The following ZNF16 variants were observed in gnomAD, a reference collection of about 807,000 sequenced individuals.
ZNF16 encodes the protein zinc finger protein KOX9.
Under a neutral mutation model 9.0 loss-of-function variants are expected in ZNF16, and 7 were observed. That is an observed-to-expected ratio of 0.78 (90% CI 0.44 to 1.47). ZNF16 has a LOEUF of 1.47. ZNF16 is among the 40% of genes most tolerant of loss of function. ZNF16 has a pLI of 0.01. For missense variants in ZNF16, 830 were observed against 854.2 expected (o/e 0.97, Z 0.35); for synonymous variants, 312 against 301.5 (o/e 1.03, Z -0.36).
chr8:144,930,634 T>C lies in ZNF16; in HGVS notation c.*104A>G, dbSNP rs1408191752. 4.5e-6 allele frequency: 6 copies of C among 1,327,704 alleles called. No individual in the cohort carries two copies. Among genetic ancestry groups the C allele is most frequent in the Non-Finnish European group, 6.1e-6 (6 of 980,602 alleles). 82.2% of individuals were successfully genotyped at this position (1,327,704 alleles called of 1,614,324 possible). A position where few individuals can be genotyped will look rare whatever the true frequency, so the allele number is the denominator to read the frequency against. The stretch of plus-strand genomic sequence containing the variant: ...TGGCCACTGGATGTAGGCAGTGAGC[T>C]GAGTCCAGGCTTTCGGTCTGGGAAG... On this transcript the variant is annotated 3_prime_UTR_variant, in exon 3 of 3. Coordinates refer to ENST00000394909, the MANE Select transcript of ZNF16 (RefSeq NM_006958.3).
Position 144,932,601 on chromosome 8 carries a change from A to G in ZNF16, c.197-11T>C, listed in dbSNP as rs564964031. On this transcript the variant is annotated splice_polypyrimidine_tract_variant and intron_variant, in intron 2 of 2. Coordinates refer to ENST00000394909, the MANE Select transcript of ZNF16 (RefSeq NM_006958.3). This position sits in a 1 kb window ranked among gnomAD's most constrained non-coding sequence, Gnocchi z 5.0. Reference sequence around the variant, plus strand: ...TCCTGGTGTCACAATCTGAAACAATAAATAGAATATCACTTGGAAGGCAGT... The same window carrying G: ...TCCTGGTGTCACAATCTGAAACAATGAATAGAATATCACTTGGAAGGCAGT... The G allele has an allele frequency of 1.6e-4, 256 of 1,606,976 alleles. 4 individuals carry two copies. The South Asian group carries it at 2.7e-3, about 17-fold the overall frequency.
intron 2 of ZNF16, among the ~76,000 whole-genome samples, chr8:144,937,499 T>C (rs1181112513): frequency 6.6e-6 from 1 of 152,152 alleles, no homozygotes; most frequent in Admixed American, 6.5e-5. Flanking sequence ...GTCCAATTTA[T>C]TTATTTTTTT....
chr8:144,948,764 C>G (rs1563927058), intron 1 of ZNF16, among the ~76,000 whole-genome samples: 1 of 152,124 alleles, frequency 6.6e-6, no homozygotes, highest in Non-Finnish European at 1.5e-5. Context: ...CCTTATTTTT[C>G]TCACTTCATT....
At chr8:144,938,769 A>T (rs915600523) in intron 2 of ZNF16, among the ~76,000 whole-genome samples, 2 of 152,240 alleles carry the variant, frequency 1.3e-5, no homozygotes, top group Non-Finnish European at 2.9e-5. Context: ...TCTGGTTAGA[A>T]CTTGCAATAC....
chr8:144,932,418 G>GCCT lies in ZNF16; in HGVS notation c.366_368dup (p.Gly123dup). 1 of 1,614,196 alleles carries GCCT rather than the reference G, an allele frequency of 6.2e-7. No homozygotes were observed. The highest frequency in any genetic ancestry group is 1.1e-5 in the South Asian group (1 of 91,086). On this transcript the variant is annotated inframe_insertion, in exon 3 of 3. Transcript: ENST00000394909. This position sits in a 1 kb window ranked among gnomAD's most constrained non-coding sequence, Gnocchi z 5.0. Reference sequence around the variant, plus strand: ...GGGAGAGGGACTGTGGCAGCCTCCTGCCTTCGGGGACTCCCCAGTCTCTTT... The same window carrying GCCT: ...GGGAGAGGGACTGTGGCAGCCTCCTGCCTCCTTCGGGGACTCCCCAGTCTCTTT...
rs773234511 is a variant in ZNF16, at chr8:144,931,387, C to T, written c.1400G>A (p.Gly467Glu). Reference protein sequence around the residue: ...GEKPHVCNVCGKAFSYSSVLR... With the variant: ...GEKPHVCNVCEKAFSYSSVLR... Reference sequence around the variant, plus strand: ...CACTGAGCTATAACTAAAGGCTTTTCCACATACATTACACACGTGAGGCTT... The same window carrying T: ...CACTGAGCTATAACTAAAGGCTTTTTCACATACATTACACACGTGAGGCTT... The change falls in exon 3 of 3, where the codon GGA becomes GAA. Residue 467 changes from glycine (G) to glutamate (E), a missense_variant. Transcript: ENST00000394909. 3 of 1,614,206 alleles carry T rather than the reference C, an allele frequency of 1.9e-6. No homozygotes were observed. Among genetic ancestry groups the T allele is most frequent in the Non-Finnish European group, 2.5e-6 (3 of 1,180,042 alleles).
intron 1 of ZNF16, among the ~76,000 whole-genome samples, chr8:144,948,701 CAT>C (rs1168457262): frequency 1.3e-5 from 2 of 151,960 alleles, no homozygotes; most frequent in Non-Finnish European, 2.9e-5. Flanking sequence ...AATATATAAA[CAT>C]ATGTTTGCCT....
At chr8:144,936,150 A>G (rs554962628) in intron 2 of ZNF16, among the ~76,000 whole-genome samples, 2 of 152,302 alleles carry the variant, frequency 1.3e-5, no homozygotes, top group East Asian at 1.9e-4. Flanking sequence ...CCTATTCTGG[A>G]TATTTTGTAC....
rs747559401 is a variant in ZNF16, at chr8:144,931,825, T to C, written c.962A>G (p.Tyr321Cys). ...AGCCTTCCCACATTCATTGCATTCA[T>C]AGGGCTTCTCACTCATGTGAGACTT... ...HQKSHMSEKPYECNECGKAFR... is the reference protein window; with the variant it reads ...HQKSHMSEKPCECNECGKAFR... Residue 321 changes from tyrosine (Y) to cysteine (C), a missense_variant, in exon 3 of 3, where the codon TAT becomes TGT. Physicochemically the swap from Tyr to Cys is radical, Grantham distance 194. Transcript: ENST00000394909. 10 of 1,614,240 alleles carry C rather than the reference T, an allele frequency of 6.2e-6. No individual in the cohort carries two copies. Among genetic ancestry groups the C allele is most frequent in the African/African-American group, 2.7e-5 (2 of 75,066 alleles).
rs1833581702 is a variant in ZNF16, at chr8:144,932,510, A to T, written c.277T>A (p.Ser93Thr). 6.2e-7 allele frequency: 1 copy of T among 1,614,180 alleles called. No individual in the cohort carries two copies. Among genetic ancestry groups the T allele is most frequent in the Non-Finnish European group, 8.5e-7 (1 of 1,180,028 alleles). ...GAAACATCACCAGCATAGTTTTCTGATATTTCTGCCTGTGATTCCAAATCT... is the reference window on the plus strand; with the variant it reads ...GAAACATCACCAGCATAGTTTTCTGTTATTTCTGCCTGTGATTCCAAATCT... Reference protein sequence around the residue: ...HEDLESQAEISENYAGDVSQV... With the variant: ...HEDLESQAEITENYAGDVSQV... Residue 93 changes from serine (S) to threonine (T), a missense_variant, in exon 3 of 3, where the codon TCA (serine) becomes ACA (threonine). Transcript: ENST00000394909. The surrounding 1 kb of genome is among the most constrained non-coding windows in gnomAD (Gnocchi z 5.0).
At position 144,933,091 on chromosome 8, in the gene ZNF16, T is replaced by C. The variant is rs572218227; in HGVS notation, c.197-501A>G. On this transcript the variant is annotated intron_variant, in intron 2 of 2. Transcript: ENST00000394909. This position sits in a 1 kb window ranked among gnomAD's most constrained non-coding sequence, Gnocchi z 5.6. ...GCCAGGTGTGAGCCTTACCAGCCTA[T>C]CTCCAGTTCTGTCAGTGCATGCTAA... 6.6e-6 allele frequency among the ~76,000 whole-genome samples: 1 copy of C among 152,300 alleles called. No homozygotes were observed. Among genetic ancestry groups the C allele is most frequent in the South Asian group, 2.1e-4 (1 of 4,826 alleles).
Position 144,931,487 on chromosome 8 carries a change from TA to T in ZNF16, c.1299del (p.Tyr433Ter). The T allele has an allele frequency of 6.2e-7, 1 of 1,611,940 alleles. No individual in the cohort carries two copies. Among genetic ancestry groups the T allele is most frequent in the East Asian group, 2.2e-5 (1 of 44,690 alleles). On this transcript the variant is annotated frameshift_variant, in exon 3 of 3. Transcript: ENST00000394909. LOFTEE classifies it low-confidence loss of function (END_TRUNC). ...HHRVHTGEKP[Y>X]KCSDCGKAFS... ...AATGCTTTCCCACAGTCACTGCACT[TA>T]TAGGGCTTCTCTCCAGTGTGAACCC...
chr8:144,946,593 CTGTAT>C (rs1833942552), intron 1 of ZNF16, among the ~76,000 whole-genome samples: 2 of 129,252 alleles, frequency 1.5e-5, no homozygotes, highest in African/African-American at 6.0e-5. Flanking sequence ...TGCTGTGGGT[CTGTAT>C]CCTGCTGTTG....
At chr8:144,950,142 A>G (rs1212732268) in intron 1 of ZNF16, among the ~76,000 whole-genome samples, 1 of 152,084 alleles carries the variant, frequency 6.6e-6, no homozygotes, top group African/African-American at 2.4e-5. Flanking sequence ...CCATCCAGGC[A>G]TAGTACCTCC....
chr8:144,946,975 C>CCTGTGTCCTGCTGTGGGG (rs1833965996), intron 1 of ZNF16, among the ~76,000 whole-genome samples: 1 of 98,566 alleles, frequency 1.0e-5, no homozygotes, highest in Non-Finnish European at 1.9e-5. Flanking sequence ...CTGCTGTGGG[C>CCTGTGTCCTGCTGTGGGG]CTGTGTCCTG....
chr8:144,946,587 G>GT lies in ZNF16; in HGVS notation c.-9-373dup, dbSNP rs1453378330. Among the ~76,000 whole-genome samples the GT allele has an allele frequency of 1.7e-3, 225 of 129,904 alleles. 13 individuals are homozygous for GT. The highest frequency in any genetic ancestry group is 6.7e-3 in the African/African-American group (209 of 31,248). 85.2% of individuals were successfully genotyped at this position (129,904 alleles called of 152,430 possible). On this transcript the variant is annotated intron_variant, in intron 1 of 2. Transcript: ENST00000394909. ...CCCTGCTGTGGGCCTGTGTCCTGCTGTGGGTCTGTATCCTGCTGTTGGGCT... is the reference window on the plus strand; with the variant it reads ...CCCTGCTGTGGGCCTGTGTCCTGCTGTTGGGTCTGTATCCTGCTGTTGGGCT...
chr8:144,934,798 A>G, intron 2 of ZNF16, among the ~76,000 whole-genome samples: 1 of 152,300 alleles, frequency 6.6e-6, no homozygotes, highest in Non-Finnish European at 1.5e-5. Flanking sequence ...AGAGAGGAGG[A>G]TCATACATAC....
Position 144,931,202 on chromosome 8 carries a change from T to G in ZNF16, c.1585A>C (p.Ser529Arg). ...CHECGKTFGR[S>R]SNLILHQRVH... is the part of the protein sequence containing the mutation. The stretch of plus-strand genomic sequence containing the variant: ...CGCTGGTGAAGGATGAGGTTGGAGC[T>G]GCGACCAAAGGTCTTCCCACACTCG... The change falls in exon 3 of 3, where the codon AGC becomes CGC. Residue 529 changes from serine to arginine, a missense_variant. Physicochemically the swap from Ser to Arg is moderately radical, Grantham distance 110. Transcript: ENST00000394909. 6.2e-7 allele frequency: 1 copy of G among 1,613,528 alleles called. No individual in the cohort carries two copies. The highest frequency in any genetic ancestry group is 1.1e-5 in the South Asian group (1 of 91,040).
intron 2 of ZNF16, among the ~76,000 whole-genome samples, chr8:144,941,178 T>C (rs1189043634): frequency 6.6e-6 from 1 of 152,232 alleles, no homozygotes; most frequent in African/African-American, 2.4e-5. Flanking sequence ...TACTGAAGTC[T>C]CTATTACTAT....
Sources: allele counts gnomAD v4.1 joint callset (sites outside exome capture counted in the v4.1 genomes callset), GRCh38; gene constraint gnomAD v4.1.1; non-coding constraint Gnocchi (gnomAD v3.1); transcripts MANE v1.5; gene names NCBI Gene and HGNC (gene_info 2026-07-23, HGNC 2026-07-21).